FGF12: variants seen among roughly 807,000 people sequenced by gnomAD.
FGF12 encodes the protein fibroblast growth factor 12B.
FGF12 carries 14 observed loss-of-function variants against 23.6 expected under a neutral mutation model. The ratio of observed to expected loss-of-function variants is 0.59; its 90% CI spans 0.39 to 0.93. The LOEUF is 0.93. FGF12 is among the 40% of genes least tolerant of loss of function. The pLI, the probability that FGF12 is intolerant of heterozygous loss-of-function variation, is 0.00. For synonymous variants in FGF12, 62 were observed against 77.3 expected (o/e 0.80, Z 1.04); for missense variants, 175 against 217.8 (o/e 0.80, Z 1.24).
intron 2 of FGF12, among the ~76,000 whole-genome samples, chr3:192,510,925 C>A (rs972026020): frequency 9.9e-5 from 15 of 152,120 alleles, no homozygotes; most frequent in Non-Finnish European, 2.1e-4. Flanking sequence ...AAATGCTAAA[C>A]TATAGAGATA....
intron 2 of FGF12, among the ~76,000 whole-genome samples, chr3:192,594,046 T>A (rs1713736308): frequency 6.6e-6 from 1 of 151,832 alleles, no homozygotes; most frequent in African/African-American, 2.4e-5. Context: ...AAAGAGCAAA[T>A]CTGCTAAAAT....
intron 4 of FGF12, among the ~76,000 whole-genome samples, chr3:192,327,548 C>T (rs749369404): frequency 2.1e-5 from 3 of 142,272 alleles, no homozygotes; most frequent in Non-Finnish European, 3.1e-5. Context: ...AACAAATCAT[C>T]GCTATAGTTT....
At chr3:192,203,806 G>A (rs1305748755) in intron 4 of FGF12, among the ~76,000 whole-genome samples, 1 of 151,950 alleles carries the variant, frequency 6.6e-6, no homozygotes, top group Non-Finnish European at 1.5e-5. Context: ...TTCTCACTAT[G>A]TTGCCCAGGC....
chr3:192,608,706 A>G (rs1337324911), intron 2 of FGF12, among the ~76,000 whole-genome samples: 1 of 152,100 alleles, frequency 6.6e-6, no homozygotes, highest in East Asian at 1.9e-4. Flanking sequence ...TGATTTCATT[A>G]TTGCTACTTT....
chr3:192,146,640 G>A (rs1713739199), intron 5 of FGF12, among the ~76,000 whole-genome samples: 1 of 151,800 alleles, frequency 6.6e-6, no homozygotes, highest in Admixed American at 6.6e-5. Context: ...GTTTTTTTAT[G>A]CCACAGATTC....
intron 2 of FGF12, among the ~76,000 whole-genome samples, chr3:192,713,390 G>A (rs1187264134): frequency 6.6e-6 from 1 of 152,086 alleles, no homozygotes. Flanking sequence ...AAATGGGAGA[G>A]AGGACAAGAA....
intron 2 of FGF12, among the ~76,000 whole-genome samples, chr3:192,653,302 G>A (rs1404127485): frequency 6.6e-6 from 1 of 152,068 alleles, no homozygotes; most frequent in Non-Finnish European, 1.5e-5. Flanking sequence ...TCTTGTTTTT[G>A]AGGCATTCAG....
intron 2 of FGF12, among the ~76,000 whole-genome samples, chr3:192,419,835 C>G (rs958093259): frequency 6.6e-6 from 1 of 152,058 alleles, no homozygotes; most frequent in African/African-American, 2.4e-5. Context: ...AAAGAAAGCA[C>G]AGAGCTAAAC....
chr3:192,493,479 A>C (rs1220501923), intron 2 of FGF12, among the ~76,000 whole-genome samples: 2 of 152,206 alleles, frequency 1.3e-5, no homozygotes, highest in East Asian at 3.8e-4. Flanking sequence ...AAAGGAAGAC[A>C]TAAGAAGGCC....
At chr3:192,496,968 A>G (rs921994785) in intron 2 of FGF12, among the ~76,000 whole-genome samples, 3 of 152,164 alleles carry the variant, frequency 2.0e-5, no homozygotes, top group Non-Finnish European at 4.4e-5. Flanking sequence ...AACTCCTTAC[A>G]TGACTAAATA....
At chr3:192,628,997 A>G (rs1235957501) in intron 2 of FGF12, among the ~76,000 whole-genome samples, 2 of 152,108 alleles carry the variant, frequency 1.3e-5, no homozygotes, top group Non-Finnish European at 1.5e-5. Flanking sequence ...TCTTGAGCAA[A>G]CCATTTCCTC....
intron 4 of FGF12, among the ~76,000 whole-genome samples, chr3:192,204,870 T>C (rs11720023): frequency 0.094 from 14,297 of 151,430 alleles, 762 homozygotes; most frequent in South Asian, 0.19. Flanking sequence ...GCCTGGGCGA[T>C]AGAGTGAGAC....
chr3:192,607,815 A>C (rs1714395965), intron 2 of FGF12, among the ~76,000 whole-genome samples: 1 of 151,126 alleles, frequency 6.6e-6, no homozygotes, highest in Non-Finnish European at 1.5e-5. Flanking sequence ...GCAAATAAAA[A>C]TAGTTAACAT....
chr3:192,281,957 G>A (rs527960201), intron 4 of FGF12, among the ~76,000 whole-genome samples: 1 of 152,218 alleles, frequency 6.6e-6, no homozygotes, highest in East Asian at 1.9e-4. Context: ...CAATAACAGT[G>A]TAAATTAGAA....
intron 2 of FGF12, among the ~76,000 whole-genome samples, chr3:192,716,177 TG>T (rs763443736): frequency 1.3e-5 from 2 of 152,170 alleles, no homozygotes; most frequent in Non-Finnish European, 2.9e-5. Context: ...GGGCTAACCC[TG>T]GGTTCACTGA....
At chr3:192,537,455 C>T (rs1425203707) in intron 2 of FGF12, among the ~76,000 whole-genome samples, 1 of 151,952 alleles carries the variant, frequency 6.6e-6, no homozygotes, top group Non-Finnish European at 1.5e-5. Flanking sequence ...CACATGCTGG[C>T]CAGTGTTTGT....
intron 2 of FGF12, among the ~76,000 whole-genome samples, chr3:192,597,480 A>G (rs558641783): frequency 2.6e-5 from 4 of 152,326 alleles, no homozygotes; most frequent in African/African-American, 9.6e-5. Flanking sequence ...TGCAGGAATC[A>G]ATGAGAAAGA....
In FGF12 at chr3:192,349,198, A is replaced by G. The variant is rs1260048741; in HGVS notation, c.124+11230T>C. ...ACACTGCAATTCATTAAGAATATGG[A>G]CAAATCTATACAACCTTGCAATCAG... On this transcript the variant is annotated intron_variant, in intron 3 of 5. Transcript: ENST00000445105. 2.6e-5 allele frequency among the ~76,000 whole-genome samples: 4 copies of G among 152,122 alleles called. 1 individual carries two copies. The highest frequency in any genetic ancestry group is 5.9e-5 in the Non-Finnish European group (4 of 67,972).
intron 2 of FGF12, among the ~76,000 whole-genome samples, chr3:192,572,831 GTA>G (rs1712701211): frequency 6.6e-6 from 1 of 152,126 alleles, no homozygotes. Context: ...CAATGGCAAT[GTA>G]TAGAACATTT....
Sources: allele counts gnomAD v4.1 joint callset (sites outside exome capture counted in the v4.1 genomes callset), GRCh38; gene constraint gnomAD v4.1.1; transcripts MANE v1.5; gene names NCBI Gene and HGNC (gene_info 2026-07-23, HGNC 2026-07-21).